Variants in CEPT1 observed in about 807,000 individuals in gnomAD.
CEPT1 encodes choline/ethanolaminephosphotransferase 1.
In CEPT1, 7 loss-of-function variants were observed where a neutral mutation model predicts 42.6. The ratio of observed to expected loss-of-function variants is 0.16; its 90% CI spans 0.09 to 0.31. The LOEUF (loss-of-function observed/expected upper bound fraction) is 0.31, where lower values mean the gene tolerates loss of function less well. CEPT1 is among the 10% of genes least tolerant of loss of function. The pLI is 1.00. For missense variants in CEPT1, 306 were observed against 502.1 expected (o/e 0.61, Z 3.73); for synonymous variants, 171 against 171.9 (o/e 0.99, Z 0.04).
chr1:111,142,635 A>C (rs960827324), intron 1 of CEPT1, among the ~76,000 whole-genome samples: 1 of 152,248 alleles, frequency 6.6e-6, no homozygotes, highest in African/African-American at 2.4e-5. Flanking sequence ...CCTGTGCTAC[A>C]GAGCGAGATC....
chr1:111,140,393 G>A (rs1654377882), intron 1 of CEPT1, 86 bp downstream of exon 1: 1 of 152,562 alleles, frequency 6.6e-6, no homozygotes, highest in Non-Finnish European at 1.5e-5. Context: ...ATGCTCTGGG[G>A]CGGGTCATTA....
At chr1:111,149,986 T>C (rs1340797340) in intron 2 of CEPT1, among the ~76,000 whole-genome samples, 3 of 152,222 alleles carry the variant, frequency 2.0e-5, no homozygotes, top group African/African-American at 4.8e-5. Context: ...GTTAAATCTT[T>C]AGGGAGACTT....
At chr1:111,167,044 A>C (rs1010248143) in intron 4 of CEPT1, 1 of 794,882 alleles carries the variant, frequency 1.3e-6, no homozygotes, top group African/African-American at 1.9e-5. Context: ...CTGTGTTAGT[A>C]GGGCTCTTTA....
rs761903403 is a variant in CEPT1, at chr1:111,184,599, G to A, written c.*289G>A. 1.4e-5 allele frequency: 3 copies of A among 215,326 alleles called. No homozygotes were observed. Among genetic ancestry groups the A allele is most frequent in the Non-Finnish European group, 2.8e-5 (3 of 108,078 alleles). 13.3% of individuals were successfully genotyped at this position (215,326 alleles called of 1,614,324 possible). A position where few individuals can be genotyped will look rare whatever the true frequency, so the allele number is the denominator to read the frequency against. ...TGGATTCAGAATAATACTGTGATGG[G>A]GAGCCAGATCCGCAGTGGTGGAGAG... On this transcript the variant is annotated 3_prime_UTR_variant, in exon 9 of 9. Coordinates refer to ENST00000357172, the MANE Select transcript of CEPT1 (RefSeq NM_006090.5).
chr1:111,151,149 G>A (rs561166501), intron 2 of CEPT1, among the ~76,000 whole-genome samples: 8 of 141,656 alleles, frequency 5.6e-5, no homozygotes, highest in East Asian at 2.0e-4. Context: ...TTTTTGAGAC[G>A]GAGTCTCGCT....
chr1:111,151,014 G>C (rs1476852469), intron 2 of CEPT1, among the ~76,000 whole-genome samples: 2 of 152,066 alleles, frequency 1.3e-5, no homozygotes, highest in African/African-American at 4.8e-5. Context: ...TAAAATATTT[G>C]AAGAGATTTA....
rs148718794 is a variant in CEPT1 at position 111,146,277 on chromosome 1, G to T, written c.-73-1365G>T. 5.5e-4 allele frequency among the ~76,000 whole-genome samples: 84 copies of T among 151,696 alleles called. 1 individual carries two copies. The highest frequency in any genetic ancestry group is 3.4e-3 in the Middle Eastern group (1 of 294). On this transcript the variant is annotated intron_variant, in intron 1 of 8. Coordinates refer to ENST00000357172, the MANE Select transcript of CEPT1 (RefSeq NM_006090.5). ...ACTCTTACCAAAACTCCAGTTTTTT[G>T]ATTTTGTCTAAAACATCTCTACTTA...
intron 2 of CEPT1, among the ~76,000 whole-genome samples, chr1:111,149,266 C>CTTTT (rs775722606): frequency 7.8e-6 from 1 of 127,948 alleles, no homozygotes; most frequent in South Asian, 2.7e-4. Flanking sequence ...GGTTTCTCCT[C>CTTTT]TTTTTTTTTT....
At chr1:111,168,709 C>T (rs975801323) in intron 4 of CEPT1, among the ~76,000 whole-genome samples, 17 of 152,228 alleles carry the variant, frequency 1.1e-4, no homozygotes, top group African/African-American at 2.6e-4. Context: ...AGGATGGTCT[C>T]GATCTCCTGA....
Position 111,184,450 on chromosome 1 carries a change from C to A in CEPT1, c.*140C>A. 2 of 591,296 alleles carry A rather than the reference C, an allele frequency of 3.4e-6. No homozygotes were observed. The highest frequency in any genetic ancestry group is 5.5e-6 in the Non-Finnish European group (2 of 365,226). 36.6% of individuals were successfully genotyped at this position (591,296 alleles called of 1,614,324 possible). A position where few individuals can be genotyped will look rare whatever the true frequency, so the allele number is the denominator to read the frequency against. ...CTTTTATTCTTTATTATTGGTAACACGCCCTAACTATCCTGTGTGAGAATG... is the reference window on the plus strand; with the variant it reads ...CTTTTATTCTTTATTATTGGTAACAAGCCCTAACTATCCTGTGTGAGAATG... On this transcript the variant is annotated 3_prime_UTR_variant, in exon 9 of 9. Transcript: ENST00000357172.
intron 4 of CEPT1, among the ~76,000 whole-genome samples, chr1:111,166,069 T>G (rs766990175): frequency 4.6e-5 from 7 of 152,244 alleles, no homozygotes; most frequent in Non-Finnish European, 1.0e-4. Flanking sequence ...CCAGAGGTTT[T>G]CCTTTCAGTT....
At chr1:111,167,190 G>A (rs1167049209) in intron 4 of CEPT1, 8 of 984,818 alleles carry the variant, frequency 8.1e-6, no homozygotes, top group African/African-American at 1.7e-5. Flanking sequence ...GGAACTTCAC[G>A]GTAACTGCTA....
intron 2 of CEPT1, among the ~76,000 whole-genome samples, chr1:111,153,903 G>C (rs750857728): frequency 2.6e-5 from 4 of 152,060 alleles, no homozygotes; most frequent in Non-Finnish European, 5.9e-5. Context: ...CTCCAGCTTT[G>C]TTCTTTTTGC....
At chr1:111,177,358 C>T (rs989108785) in intron 5 of CEPT1, among the ~76,000 whole-genome samples, 1 of 152,176 alleles carries the variant, frequency 6.6e-6, no homozygotes, top group Non-Finnish European at 1.5e-5. Context: ...TGACCTCGAC[C>T]TGTCACATAA....
At chr1:111,169,371 A>G (rs560787673) in intron 4 of CEPT1, among the ~76,000 whole-genome samples, 3 of 152,188 alleles carry the variant, frequency 2.0e-5, no homozygotes, top group Admixed American at 6.5e-5. Flanking sequence ...TTTTCCACCA[A>G]TGTTCTTAAT....
At chr1:111,150,622 C>T (rs1158786697) in intron 2 of CEPT1, among the ~76,000 whole-genome samples, 1 of 152,058 alleles carries the variant, frequency 6.6e-6, no homozygotes, top group South Asian at 2.1e-4. Flanking sequence ...ACGAACTTCC[C>T]ATATATTTTT....
chr1:111,168,523 CTG>C (rs1656253416), intron 4 of CEPT1, among the ~76,000 whole-genome samples: 1 of 150,284 alleles, frequency 6.7e-6, no homozygotes, highest in Non-Finnish European at 1.5e-5. Context: ...GAGTCTCACT[CTG>C]TCACCCAGGC....
intron 2 of CEPT1, among the ~76,000 whole-genome samples, chr1:111,149,410 G>A (rs544811621): frequency 2.0e-5 from 3 of 151,834 alleles, no homozygotes; most frequent in Admixed American, 6.6e-5. Flanking sequence ...TTACAGGCCC[G>A]CACCATCACG....
intron 2 of CEPT1, among the ~76,000 whole-genome samples, chr1:111,153,219 T>TG (rs1161134525): frequency 3.3e-5 from 5 of 152,126 alleles, no homozygotes; most frequent in Admixed American, 6.6e-5. Flanking sequence ...AGTAAGAACT[T>TG]GCAGTATTTA....
Sources: allele counts gnomAD v4.1 joint callset (sites outside exome capture counted in the v4.1 genomes callset), GRCh38; gene constraint gnomAD v4.1.1; transcripts MANE v1.5; gene names NCBI Gene and HGNC (gene_info 2026-07-23, HGNC 2026-07-21).